ULK2: variants seen among roughly 807,000 people sequenced by gnomAD.
The protein encoded by ULK2 is unc-51 like autophagy activating kinase 2, also known as serine/threonine-protein kinase ULK2.
ULK2 carries 76 observed loss-of-function variants against 127.5 expected under a neutral mutation model. The observed-to-expected ratio is 0.60, with a 90% CI of 0.50 to 0.72. The LOEUF (loss-of-function observed/expected upper bound fraction) is 0.72. Among genes scored for constraint, ULK2 ranks in the 30% least tolerant of loss-of-function variants. ULK2 has a pLI of 0.00. For synonymous variants in ULK2, 452 were observed against 461.9 expected (o/e 0.98, Z 0.28); for missense variants, 1,144 against 1,295.9 (o/e 0.88, Z 1.80).
chr17:19,862,785 T>A lies in ULK2; in HGVS notation c.225+2018A>T, dbSNP rs188955075. On this transcript the variant is annotated intron_variant, in intron 3 of 26. Coordinates refer to ENST00000395544, the MANE Select transcript of ULK2 (RefSeq NM_014683.4). ...CCAGCTGAAAAATGACAGTATTTTTTAAAAAGTAAATATACAACAGCCCAT... is the reference window on the plus strand; with the variant it reads ...CCAGCTGAAAAATGACAGTATTTTTAAAAAAGTAAATATACAACAGCCCAT... Among the ~76,000 whole-genome samples the A allele has an allele frequency of 3.7e-3, 563 of 152,206 alleles. 4 individuals carry two copies. Among genetic ancestry groups the A allele is most frequent in the African/African-American group, 0.013 (540 of 41,528 alleles).
At chr17:19,846,411 G>A (rs1298333167) in intron 6 of ULK2, among the ~76,000 whole-genome samples, 2 of 152,022 alleles carry the variant, frequency 1.3e-5, no homozygotes, top group East Asian at 1.9e-4. Context: ...AAGCTGAGGC[G>A]GGCAGATCAC....
rs983932245 is a variant in ULK2, at chr17:19,867,540, C to T, written c.-123G>A. On this transcript the variant is annotated 5_prime_UTR_variant, in exon 1 of 27. Transcript: ENST00000395544. The stretch of plus-strand genomic sequence containing the variant: ...GGCGGGTCTGGGGCAGCCGCAGCCC[C>T]GGGCCCGGGCGGACTCTCATGCCGA... 3.9e-6 allele frequency: 2 copies of T among 506,390 alleles called. No individual in the cohort carries two copies. Among genetic ancestry groups the T allele is most frequent in the Non-Finnish European group, 3.0e-6 (1 of 337,234 alleles). 31.4% of individuals were successfully genotyped at this position (506,390 alleles called of 1,614,324 possible).
chr17:19,860,555 C>T (rs1466724113), intron 3 of ULK2, among the ~76,000 whole-genome samples: 1 of 149,316 alleles, frequency 6.7e-6, no homozygotes, highest in East Asian at 2.0e-4. Context: ...ACGGAGTTTC[C>T]CTCTTGTTGC....
At chr17:19,802,721 G>A (rs2087426146) in intron 15 of ULK2, among the ~76,000 whole-genome samples, 1 of 152,140 alleles carries the variant, frequency 6.6e-6, no homozygotes, top group Non-Finnish European at 1.5e-5. Flanking sequence ...CTCAGCAAGT[G>A]GTCGTTGCTA....
chr17:19,828,915 CA>C (rs2041360748), intron 10 of ULK2, among the ~76,000 whole-genome samples: 1 of 152,016 alleles, frequency 6.6e-6, no homozygotes, highest in African/African-American at 2.4e-5. Flanking sequence ...ATGGTGAAAC[CA>C]AAAATACAAA....
chr17:19,811,017 G>A (rs964389742), intron 13 of ULK2: 1 of 152,210 alleles, frequency 6.6e-6, no homozygotes, highest in African/African-American at 2.4e-5. Flanking sequence ...CATTTAGGGA[G>A]GCAGAGGCGG....
At chr17:19,791,946 T>C (rs1183971280) in intron 20 of ULK2, among the ~76,000 whole-genome samples, 1 of 149,870 alleles carries the variant, frequency 6.7e-6, no homozygotes, top group Non-Finnish European at 1.5e-5. Flanking sequence ...GGAAACTATA[T>C]AAATACGTGG....
Position 19,796,286 on chromosome 17 carries a change from A to C in ULK2, c.1810-4T>G. On this transcript the variant is annotated splice_polypyrimidine_tract_variant and splice_region_variant and intron_variant, in intron 18 of 26. Coordinates refer to ENST00000395544, the MANE Select transcript of ULK2 (RefSeq NM_014683.4). ...GGATTTTGAAAGGAGCTGTGGTCTA[A>C]AGAGACATATATATATATATATATG... 1 of 1,483,806 alleles carries C rather than the reference A, an allele frequency of 6.7e-7. No individual in the cohort carries two copies. The highest frequency in any genetic ancestry group is 8.9e-7 in the Non-Finnish European group (1 of 1,122,680). 91.9% of individuals were successfully genotyped at this position (1,483,806 alleles called of 1,614,324 possible).
Position 19,818,280 on chromosome 17 carries a change from G to A in ULK2, c.925-1360C>T, listed in dbSNP as rs538019234. Among the ~76,000 whole-genome samples, 5 of 147,428 alleles carry A rather than the reference G, an allele frequency of 3.4e-5. No individual in the cohort carries two copies. In the East Asian group the frequency reaches 6.1e-4, roughly 18 times the overall value. On this transcript the variant is annotated intron_variant, in intron 12 of 26. Transcript: ENST00000395544. Reference sequence around the variant, plus strand: ...GGAGCTTGCAGTGAGCCAAGACTGCGCCACTGCACTCCAGCCTGGGCGACA... The same window carrying A: ...GGAGCTTGCAGTGAGCCAAGACTGCACCACTGCACTCCAGCCTGGGCGACA...
chr17:19,825,030 C>T, intron 12 of ULK2, 64 bp downstream of exon 12: 1 of 1,410,960 alleles, frequency 7.1e-7, no homozygotes, highest in Non-Finnish European at 9.9e-7. Flanking sequence ...TATGTGCATG[C>T]TCCATTTGAG....
intron 20 of ULK2, among the ~76,000 whole-genome samples, chr17:19,792,083 T>C (rs942488547): frequency 2.0e-5 from 3 of 151,922 alleles, no homozygotes; most frequent in African/African-American, 4.8e-5. Flanking sequence ...AAAGCAGTAC[T>C]AAGAGGGAAA....
intron 3 of ULK2, among the ~76,000 whole-genome samples, chr17:19,859,480 G>A (rs1464809047): frequency 6.6e-6 from 1 of 152,168 alleles, no homozygotes. Flanking sequence ...GACTGTCGCT[G>A]CACTCCCGCC....
chr17:19,781,707 A>G (rs1156403543), intron 23 of ULK2, among the ~76,000 whole-genome samples, 182 bp downstream of exon 23: 3 of 152,236 alleles, frequency 2.0e-5, no homozygotes, highest in African/African-American at 7.2e-5. Context: ...GAAAGGCAAC[A>G]CTGAGGTTGC....
intron 9 of ULK2, among the ~76,000 whole-genome samples, chr17:19,840,714 T>TAA (rs373676849): frequency 1.7e-5 from 2 of 121,144 alleles, no homozygotes; most frequent in Non-Finnish European, 3.5e-5. Flanking sequence ...CCGTGTCCAC[T>TAA]AAAAAAAAAA....
At chr17:19,828,126 G>GA (rs143618815) in intron 10 of ULK2, among the ~76,000 whole-genome samples, 4,631 of 151,876 alleles carry the variant, frequency 0.03, 127 homozygotes, top group African/African-American at 0.075. Flanking sequence ...AGTGCTGAAA[G>GA]AAAAAAAAGT....
chr17:19,803,121 T>C (rs201903389), intron 15 of ULK2, among the ~76,000 whole-genome samples: 23 of 152,198 alleles, frequency 1.5e-4, no homozygotes, highest in East Asian at 1.9e-4. Context: ...TTTGACAAAA[T>C]AGCTGCTTGA....
chr17:19,780,716 G>C (rs1259237877), intron 24 of ULK2, 87 bp from the exon 25 acceptor site: 3 of 1,372,192 alleles, frequency 2.2e-6, no homozygotes, highest in Non-Finnish European at 2.9e-6. Context: ...CTGATATATA[G>C]GGAAGGTGTC....
intron 9 of ULK2, among the ~76,000 whole-genome samples, chr17:19,840,937 A>T (rs149447113): frequency 6.6e-6 from 1 of 152,234 alleles, no homozygotes; most frequent in African/African-American, 2.4e-5. Flanking sequence ...GCTGCGGAAC[A>T]TCATCTGTGA....
chr17:19,811,984 A>G (rs867896444), intron 13 of ULK2, among the ~76,000 whole-genome samples: 1 of 152,204 alleles, frequency 6.6e-6, no homozygotes, highest in South Asian at 2.1e-4. Flanking sequence ...AAGGACAAAA[A>G]GAACAGAAAA....
Sources: gnomAD v4.1 joint callset for allele counts (sites outside exome capture counted in the v4.1 genomes callset) on GRCh38, gnomAD v4.1.1 for gene constraint, MANE v1.5 for transcripts, NCBI Gene and HGNC (gene_info 2026-07-23, HGNC 2026-07-21) for gene names.